Variants in ANO6 observed in about 807,000 individuals in gnomAD.
The protein encoded by ANO6 is anoctamin 6, also known as anoctamin-6.
In ANO6, 106 loss-of-function variants were observed where a neutral mutation model predicts 117.5. The observed-to-expected ratio is 0.90, with a 90% CI of 0.77 to 1.06. The LOEUF (loss-of-function observed/expected upper bound fraction) is 1.06. Among genes scored for constraint, ANO6 ranks in the 50% least tolerant of loss-of-function variants. The pLI is 0.00. For missense variants in ANO6, 955 were observed against 1,121.1 expected (o/e 0.85, Z 2.12); for synonymous variants, 367 against 385.1 (o/e 0.95, Z 0.55).
At chr12:45,323,011 C>T (rs536869232) in intron 2 of ANO6, among the ~76,000 whole-genome samples, 6 of 152,294 alleles carry the variant, frequency 3.9e-5, no homozygotes, top group Admixed American at 1.3e-4. Flanking sequence ...CTACAATTGT[C>T]TCAATGGTTA....
At chr12:45,426,071 G>C (rs1181666891) in intron 19 of ANO6, among the ~76,000 whole-genome samples, 1 of 152,178 alleles carries the variant, frequency 6.6e-6, no homozygotes, top group Non-Finnish European at 1.5e-5. Flanking sequence ...CAGTTTCCAG[G>C]AACCTGTCGA....
At chr12:45,231,586 C>T (rs1412671608) in intron 1 of ANO6, among the ~76,000 whole-genome samples, 2 of 152,124 alleles carry the variant, frequency 1.3e-5, no homozygotes, top group Non-Finnish European at 2.9e-5. Flanking sequence ...CTATGAAAGC[C>T]AAAATTCCAT....
chr12:45,270,384 G>A (rs1938355348), intron 1 of ANO6: 13 of 1,417,638 alleles, frequency 9.2e-6, no homozygotes, highest in South Asian at 6.4e-5. Flanking sequence ...GTCTGATGCC[G>A]CCTCCTGCTC....
chr12:45,226,032 C>T (rs1472348480), intron 1 of ANO6, among the ~76,000 whole-genome samples: 2 of 151,900 alleles, frequency 1.3e-5, no homozygotes, highest in Non-Finnish European at 2.9e-5. Context: ...TTGGTCATTG[C>T]AACTAAAATT....
chr12:45,268,098 G>A (rs2137227659), intron 1 of ANO6, among the ~76,000 whole-genome samples: 1 of 152,254 alleles, frequency 6.6e-6, no homozygotes, highest in Middle Eastern at 3.4e-3. Context: ...ACACAGATTA[G>A]GCTTTTAAAT....
At position 45,388,187 on chromosome 12, in the gene ANO6, C is replaced by T. The variant is rs751953918; in HGVS notation, c.1192C>T (p.Arg398Ter). 8.7e-6 allele frequency: 14 copies of T among 1,613,764 alleles called. No homozygotes were observed. Among genetic ancestry groups the T allele is most frequent in the African/African-American group, 8.0e-5 (6 of 74,876 alleles). Residue 398 changes from arginine (R) to a stop codon, truncating the protein, a stop_gained, in exon 11 of 20, where the codon CGA becomes TGA. Transcript: ENST00000320560. LOFTEE classifies it high-confidence loss of function. Reference sequence around the variant, plus strand: ...TACCTTGTTTTTGGAGTTTTGGAAGCGACGCCAGGCAGAACTTGAGTATGA... The same window carrying T: ...TACCTTGTTTTTGGAGTTTTGGAAGTGACGCCAGGCAGAACTTGAGTATGA... ...WVTLFLEFWK[R>*]RQAELEYEWD...
chr12:45,221,050 T>C (rs1947388444), intron 1 of ANO6, among the ~76,000 whole-genome samples: 2 of 145,158 alleles, frequency 1.4e-5, no homozygotes, highest in Non-Finnish European at 3.0e-5. Flanking sequence ...CTGTGATTGG[T>C]GTCGGAAGTG....
chr12:45,400,506 C>T (rs192540896), intron 12 of ANO6, among the ~76,000 whole-genome samples: 3 of 152,286 alleles, frequency 2.0e-5, no homozygotes, highest in Middle Eastern at 6.8e-3. Context: ...GCAAGAAAAA[C>T]ATCTTTTTTA....
At chr12:45,234,850 CT>C (rs1198464053) in intron 1 of ANO6, among the ~76,000 whole-genome samples, 56 of 152,134 alleles carry the variant, frequency 3.7e-4, no homozygotes, top group Non-Finnish European at 1.0e-4. Flanking sequence ...CAGCAGTAAC[CT>C]TTCAGTTCTA....
rs536728807 is a variant in ANO6, at chr12:45,374,030, G to A, written c.1105-4023G>A. ...AAATGATAAAGGGGATATCACCGCC[G>A]ATCCCACAGAAATACAAACTACCAT... On this transcript the variant is annotated intron_variant, in intron 9 of 19. Coordinates refer to ENST00000320560, the MANE Select transcript of ANO6 (RefSeq NM_001025356.3). 5.8e-4 allele frequency among the ~76,000 whole-genome samples: 88 copies of A among 152,016 alleles called. 1 individual carries two copies. Among genetic ancestry groups the A allele is most frequent in the African/African-American group, 2.0e-3 (84 of 41,474 alleles).
intron 1 of ANO6, among the ~76,000 whole-genome samples, chr12:45,271,443 G>A (rs1938392967): frequency 6.6e-6 from 1 of 152,086 alleles, no homozygotes; most frequent in Non-Finnish European, 1.5e-5. Context: ...ACTTTTAATA[G>A]CAAAAAGTAC....
chr12:45,331,009 T>G (rs1940644866), intron 2 of ANO6, among the ~76,000 whole-genome samples: 1 of 151,760 alleles, frequency 6.6e-6, no homozygotes, highest in Non-Finnish European at 1.5e-5. Flanking sequence ...CTTTGCTGCT[T>G]GAGGTGAAAA....
intron 11 of ANO6, 43 bp from the exon 12 acceptor site, chr12:45,390,378 A>G: frequency 1.4e-6 from 2 of 1,413,296 alleles, no homozygotes; most frequent in African/African-American, 1.4e-5. Flanking sequence ...ATTTTATTAC[A>G]GTAATCCCTT....
chr12:45,304,920 GC>G lies in ANO6; in HGVS notation c.150+2829del, dbSNP rs1312383186. ...AATGCTGCTGTGAACCTCCCAAGTG[GC>G]CTGGAGACCACAGCCTACCTTGCTC... On this transcript the variant is annotated intron_variant, in intron 2 of 19. Transcript: ENST00000320560. 2.0e-5 allele frequency among the ~76,000 whole-genome samples: 3 copies of G among 152,138 alleles called. No homozygotes were observed. In the East Asian group the frequency reaches 5.8e-4, roughly 29 times the overall value.
At position 45,419,199 on chromosome 12, in the gene ANO6, C is replaced by A. The variant is rs1430045833; in HGVS notation, c.2218-1872C>A. Among the ~76,000 whole-genome samples, 5 of 152,266 alleles carry A rather than the reference C, an allele frequency of 3.3e-5. No homozygotes were observed. The East Asian group carries it at 9.6e-4, about 29-fold the overall frequency. ...TTTTATATAAATGGAAAACTGTGTG[C>A]AGAACAGCATGGGAAATGAAACACA... is the stretch of plus-strand genomic sequence containing the variant. On this transcript the variant is annotated intron_variant, in intron 17 of 19. Coordinates refer to ENST00000320560, the MANE Select transcript of ANO6 (RefSeq NM_001025356.3).
rs1285088674 is a variant in ANO6 at position 45,301,994 on chromosome 12, A to G, written c.71-20A>G. 1.9e-6 allele frequency: 3 copies of G among 1,608,868 alleles called. No individual in the cohort carries two copies. Among genetic ancestry groups the G allele is most frequent in the South Asian group, 2.2e-5 (2 of 90,988 alleles). On this transcript the variant is annotated intron_variant, in intron 1 of 19. Transcript: ENST00000320560. Reference sequence around the variant, plus strand: ...GTGCAGGTTCATGCTTCATTTGTTTATATATTCATTCGTTTTTAGTGTTGG... The same window carrying G: ...GTGCAGGTTCATGCTTCATTTGTTTGTATATTCATTCGTTTTTAGTGTTGG...
intron 1 of ANO6, among the ~76,000 whole-genome samples, chr12:45,231,130 A>G (rs1947567365): frequency 6.6e-6 from 1 of 152,182 alleles, no homozygotes; most frequent in African/African-American, 2.4e-5. Context: ...AAATTCTAAA[A>G]TGTTTAATTT....
chr12:45,216,579 G>A (rs1947316597), intron 1 of ANO6, among the ~76,000 whole-genome samples, 188 bp downstream of exon 1: 1 of 152,214 alleles, frequency 6.6e-6, no homozygotes, highest in Non-Finnish European at 1.5e-5. Flanking sequence ...GGCCCCTGCG[G>A]GGCTGAGGCG....
At chr12:45,409,965 A>G (rs532273789) in intron 16 of ANO6, among the ~76,000 whole-genome samples, 1 of 152,316 alleles carries the variant, frequency 6.6e-6, no homozygotes, top group South Asian at 2.1e-4. Flanking sequence ...CATGTTGTCC[A>G]GGCTAGTCTC....
Sources: allele counts gnomAD v4.1 joint callset (sites outside exome capture counted in the v4.1 genomes callset), GRCh38; gene constraint gnomAD v4.1.1; transcripts MANE v1.5; gene names NCBI Gene and HGNC (gene_info 2026-07-23, HGNC 2026-07-21).